ADAMTS6: variants seen among roughly 807,000 people sequenced by gnomAD.
ADAMTS6 encodes the protein A disintegrin and metalloproteinase with thrombospondin motifs 6.
A neutral mutation model predicts 144.3 loss-of-function variants in ADAMTS6; 23 were observed. The observed-to-expected ratio is 0.16, with a 90% CI of 0.11 to 0.23. The LOEUF (loss-of-function observed/expected upper bound fraction) is 0.23, where lower values mean the gene tolerates loss of function less well. Among genes scored for constraint, ADAMTS6 ranks in the 10% least tolerant of loss-of-function variants. The probability of loss-of-function intolerance (pLI) is 1.00; values close to 1 mark genes in which losing one functional copy is unlikely to be tolerated. For missense variants in ADAMTS6, 999 were observed against 1,379.6 expected (o/e 0.72, Z 4.37); for synonymous variants, 444 against 457.5 (o/e 0.97, Z 0.38).
chr5:65,223,610 T>A (rs1281825470), intron 18 of ADAMTS6, among the ~76,000 whole-genome samples: 2 of 152,188 alleles, frequency 1.3e-5, no homozygotes, highest in African/African-American at 4.8e-5. Flanking sequence ...GTTCTCCAGG[T>A]TCATCCATAT....
At chr5:65,264,399 T>C (rs547820691) in intron 12 of ADAMTS6, among the ~76,000 whole-genome samples, 5 of 152,280 alleles carry the variant, frequency 3.3e-5, no homozygotes, top group African/African-American at 1.2e-4. Flanking sequence ...GTCCTTCTAG[T>C]AATGCTTTGT....
intron 7 of ADAMTS6, chr5:65,415,430 C>T (rs775157953): frequency 4.1e-5 from 7 of 170,114 alleles, no homozygotes; most frequent in Admixed American, 1.9e-4. Context: ...GTGGAGGCTT[C>T]GGCAGTGGCA....
intron 14 of ADAMTS6, among the ~76,000 whole-genome samples, chr5:65,247,831 T>C (rs1340762189): frequency 1.3e-5 from 2 of 152,194 alleles, no homozygotes; most frequent in Non-Finnish European, 2.9e-5. Flanking sequence ...TTTGCTTTCA[T>C]ACCAAATTCA....
intron 20 of ADAMTS6, among the ~76,000 whole-genome samples, chr5:65,203,587 T>C (rs1200415596): frequency 6.6e-6 from 1 of 152,186 alleles, no homozygotes; most frequent in Non-Finnish European, 1.5e-5. Context: ...AATCCCTTTC[T>C]AGGAACCAAA....
chr5:65,345,367 G>A (rs1208941822), intron 7 of ADAMTS6, among the ~76,000 whole-genome samples: 3 of 151,686 alleles, frequency 2.0e-5, no homozygotes, highest in African/African-American at 4.8e-5. Context: ...TGAAGTTGCT[G>A]TATGTTTGTA....
intron 7 of ADAMTS6, among the ~76,000 whole-genome samples, chr5:65,372,862 G>A (rs1223086408): frequency 6.6e-6 from 1 of 152,028 alleles, no homozygotes; most frequent in Non-Finnish European, 1.5e-5. Flanking sequence ...TGGAAGTAAA[G>A]CTCTCCTCAG....
At chr5:65,204,378 A>C (rs192527394) in intron 20 of ADAMTS6, among the ~76,000 whole-genome samples, 28 of 152,358 alleles carry the variant, frequency 1.8e-4, no homozygotes, top group Admixed American at 1.4e-3. Flanking sequence ...GTTTATATAG[A>C]AGAGATACTC....
chr5:65,172,722 C>T (rs1024822360), intron 23 of ADAMTS6, 110 bp downstream of exon 23: 10 of 1,273,774 alleles, frequency 7.9e-6, no homozygotes, highest in African/African-American at 6.0e-5. Context: ...TAGACTTCTA[C>T]GTGTTAATTC....
At chr5:65,242,418 A>G (rs900851402) in intron 14 of ADAMTS6, among the ~76,000 whole-genome samples, 1 of 152,202 alleles carries the variant, frequency 6.6e-6, no homozygotes, top group Non-Finnish European at 1.5e-5. Context: ...AGTAATTTAA[A>G]CAAAGCGTTA....
At chr5:65,274,294 A>T (rs959058997) in intron 11 of ADAMTS6, among the ~76,000 whole-genome samples, 1 of 152,096 alleles carries the variant, frequency 6.6e-6, no homozygotes, top group Non-Finnish European at 1.5e-5. Context: ...CCTTTTGAAG[A>T]AAATAGTCAA....
intron 7 of ADAMTS6, among the ~76,000 whole-genome samples, chr5:65,382,115 A>G (rs1752098431): frequency 6.6e-6 from 1 of 152,216 alleles, no homozygotes; most frequent in Non-Finnish European, 1.5e-5. Context: ...ACTCTTTGGA[A>G]AAAGCTGGGA....
intron 7 of ADAMTS6, among the ~76,000 whole-genome samples, chr5:65,366,033 C>T (rs1750278795): frequency 6.6e-6 from 1 of 151,912 alleles, no homozygotes; most frequent in Non-Finnish European, 1.5e-5. Flanking sequence ...TCTTTTGGTA[C>T]CATAGGTACA....
intron 12 of ADAMTS6, among the ~76,000 whole-genome samples, chr5:65,272,224 T>C (rs1762109387): frequency 6.6e-6 from 1 of 152,202 alleles, no homozygotes; most frequent in Non-Finnish European, 1.5e-5. Context: ...TGAGAACAGA[T>C]GACAGTAATA....
In ADAMTS6 at chr5:65,225,988, CT is replaced by C. The variant is rs988147361; in HGVS notation, c.2067+97del. On this transcript the variant is annotated intron_variant, in intron 16 of 24. Transcript: ENST00000381055. ...TTGAATTTCTCTAAAATGTGGTCCCCTTTTTTTAAAAAATTAAACATAGTAT... is the reference window on the plus strand; with the variant it reads ...TTGAATTTCTCTAAAATGTGGTCCCCTTTTTTAAAAAATTAAACATAGTAT... The C allele has an allele frequency of 6.9e-6, 9 of 1,312,092 alleles. No homozygotes were observed. In the African/African-American group the frequency reaches 7.5e-5, roughly 11 times the overall value. 81.3% of individuals were successfully genotyped at this position (1,312,092 alleles called of 1,614,324 possible).
Position 65,452,173 on chromosome 5 carries a change from T to C in ADAMTS6, c.887A>G (p.Asn296Ser), listed in dbSNP as rs751466680. The change falls in exon 6 of 25, where the codon AAT (asparagine) becomes AGT (serine). Residue 296 changes from asparagine to serine, a missense_variant. Around this residue, in one of 3 missense-constraint regions of ADAMTS6, gnomAD observed 128 missense variants for 249.0 expected, o/e 0.51. Coordinates refer to ENST00000381055, the MANE Select transcript of ADAMTS6 (RefSeq NM_197941.4). ...YRDSSLGNVVNIIVARLIVLT... is the reference protein window; with the variant it reads ...YRDSSLGNVVSIIVARLIVLT... Reference sequence around the variant, plus strand: ...AACAATTAAGCGGGCCACTATAATATTCACAACGTTTCCTAGGCTGGAATC... The same window carrying C: ...AACAATTAAGCGGGCCACTATAATACTCACAACGTTTCCTAGGCTGGAATC... The C allele has an allele frequency of 6.2e-7, 1 of 1,612,284 alleles. No individual in the cohort carries two copies. The highest frequency in any genetic ancestry group is 1.1e-5 in the South Asian group (1 of 90,746).
chr5:65,373,312 T>A (rs886865019), intron 7 of ADAMTS6, among the ~76,000 whole-genome samples: 2 of 151,366 alleles, frequency 1.3e-5, no homozygotes, highest in Non-Finnish European at 2.9e-5. Context: ...AATCAATGAA[T>A]CCAGGAGCTG....
At chr5:65,331,073 T>C (rs1164649241) in intron 8 of ADAMTS6, among the ~76,000 whole-genome samples, 1 of 152,064 alleles carries the variant, frequency 6.6e-6, no homozygotes, top group African/African-American at 2.4e-5. Context: ...ATACCTGAAA[T>C]ATTTTTTTAA....
chr5:65,306,319 C>T (rs1282529926), intron 9 of ADAMTS6, among the ~76,000 whole-genome samples: 2 of 152,190 alleles, frequency 1.3e-5, no homozygotes, highest in African/African-American at 4.8e-5. Flanking sequence ...ATCAAGGACA[C>T]TCTTAAGTGA....
intron 2 of ADAMTS6, 125 bp downstream of exon 2, chr5:65,473,452 G>A (rs1258637446): frequency 5.4e-6 from 4 of 734,908 alleles, no homozygotes; most frequent in African/African-American, 1.8e-5. Flanking sequence ...AATTGACACA[G>A]TAGGCCTCTA....
Sources: allele counts gnomAD v4.1 joint callset (sites outside exome capture counted in the v4.1 genomes callset), GRCh38; gene constraint gnomAD v4.1.1; regional missense constraint gnomAD v4.1.1; transcripts MANE v1.5; gene names NCBI Gene and HGNC (gene_info 2026-07-23, HGNC 2026-07-21).